The following OPCML variants were observed in gnomAD, a reference collection of about 807,000 sequenced individuals.
OPCML encodes the protein opioid binding protein/cell adhesion molecule like.
Under a neutral mutation model 37.8 loss-of-function variants are expected in OPCML, and 13 were observed. The ratio of observed to expected loss-of-function variants is 0.34; its 90% CI spans 0.22 to 0.55. The LOEUF (loss-of-function observed/expected upper bound fraction) is 0.55. Among genes scored for constraint, OPCML ranks in the 20% least tolerant of loss-of-function variants. The probability of loss-of-function intolerance (pLI) is 0.91; values close to 1 mark genes in which losing one functional copy is unlikely to be tolerated. For synonymous variants in OPCML, 176 were observed against 168.8 expected (o/e 1.04, Z -0.33); for missense variants, 341 against 435.6 (o/e 0.78, Z 1.93).
chr11:133,184,191 C>T (rs1393352399), intron 1 of OPCML, among the ~76,000 whole-genome samples: 4 of 152,166 alleles, frequency 2.6e-5, no homozygotes, highest in Admixed American at 2.6e-4. Flanking sequence ...ACTCGCTTAA[C>T]ACTTACGGAA....
At chr11:133,036,755 A>G (rs1947790802) in intron 1 of OPCML, among the ~76,000 whole-genome samples, 2 of 152,380 alleles carry the variant, frequency 1.3e-5, no homozygotes, top group South Asian at 4.1e-4. Context: ...TTGATTCAGG[A>G]CTACATTCTG....
At chr11:133,518,971 G>C (rs919734851) in intron 1 of OPCML, among the ~76,000 whole-genome samples, 2 of 152,112 alleles carry the variant, frequency 1.3e-5, no homozygotes, top group African/African-American at 4.8e-5. Flanking sequence ...GTGGGTGACA[G>C]TCCCTGAAAG....
Position 133,363,388 on chromosome 11 carries a change from T to C in OPCML, c.61+168876A>G, listed in dbSNP as rs1241591191. Among the ~76,000 whole-genome samples the C allele has an allele frequency of 2.0e-5, 3 of 152,180 alleles. No homozygotes were observed. In the East Asian group the frequency reaches 5.8e-4, roughly 29 times the overall value. On this transcript the variant is annotated intron_variant, in intron 1 of 7. Coordinates refer to ENST00000524381, the MANE Select transcript of OPCML (RefSeq NM_001012393.5). Reference sequence around the variant, plus strand: ...TGGTGAGTTCTCTCTCTTTCAGTAGTTCCAGACGTGACCAAGCCTACCTTG... The same window carrying C: ...TGGTGAGTTCTCTCTCTTTCAGTAGCTCCAGACGTGACCAAGCCTACCTTG...
intron 4 of OPCML, among the ~76,000 whole-genome samples, chr11:132,458,209 C>T (rs184908367): frequency 2.0e-5 from 3 of 152,234 alleles, no homozygotes; most frequent in East Asian, 1.9e-4. Flanking sequence ...CTACACAATC[C>T]ATGCATCAAA....
chr11:132,485,964 C>T (rs1281268860), intron 4 of OPCML, among the ~76,000 whole-genome samples: 3 of 152,142 alleles, frequency 2.0e-5, no homozygotes, highest in Non-Finnish European at 2.9e-5. Context: ...AAGAAAGTGT[C>T]AGTTTTCCAA....
rs1000687023 is a variant in OPCML, at chr11:132,583,611, T to A, written c.380-54425A>T. 6.6e-5 allele frequency among the ~76,000 whole-genome samples: 10 copies of A among 151,940 alleles called. No individual in the cohort carries two copies. The South Asian group carries it at 8.3e-4, about 13-fold the overall frequency. On this transcript the variant is annotated intron_variant, in intron 3 of 7. Transcript: ENST00000524381. Reference sequence around the variant, plus strand: ...CACTGAGCCCAGCCATAGGCTGATTTTTTATTTATTTATTTACTTTTTGAA... The same window carrying A: ...CACTGAGCCCAGCCATAGGCTGATTATTTATTTATTTATTTACTTTTTGAA...
chr11:133,008,817 C>T (rs1947160859), intron 1 of OPCML: 4 of 854,678 alleles, frequency 4.7e-6, no homozygotes, highest in East Asian at 1.2e-4. Context: ...ACAGTACTCC[C>T]TAATGCACTT....
At chr11:133,128,865 C>T (rs969770301) in intron 1 of OPCML, among the ~76,000 whole-genome samples, 7 of 152,142 alleles carry the variant, frequency 4.6e-5, no homozygotes, top group Non-Finnish European at 7.4e-5. Flanking sequence ...AGGAAGCCCT[C>T]TCTGTAGCCC....
chr11:132,786,429 T>A (rs573796233), intron 2 of OPCML, among the ~76,000 whole-genome samples: 1 of 152,298 alleles, frequency 6.6e-6, no homozygotes, highest in African/African-American at 2.4e-5. Context: ...ATAACTCAAA[T>A]AAAGTAAGTG....
intron 2 of OPCML, among the ~76,000 whole-genome samples, chr11:132,781,669 T>C (rs1193713504): frequency 6.6e-6 from 1 of 150,958 alleles, no homozygotes; most frequent in Non-Finnish European, 1.5e-5. Context: ...AACCATGGGG[T>C]GTTCACACCT....
intron 1 of OPCML, among the ~76,000 whole-genome samples, chr11:133,307,319 C>T (rs1467191568): frequency 6.6e-6 from 1 of 151,984 alleles, no homozygotes; most frequent in Non-Finnish European, 1.5e-5. Context: ...GATGAAATGG[C>T]ATGATAGGGG....
intron 1 of OPCML, among the ~76,000 whole-genome samples, chr11:133,346,567 GTCTGGTCTCTGCAGGACCACA>G (rs1191546354): frequency 5.9e-5 from 9 of 152,218 alleles, no homozygotes; most frequent in African/African-American, 2.2e-4. Flanking sequence ...GTCACCAGGT[GTCTGGTCTCTGCAGGACCACA>G]TCAGCTTTTA....
chr11:132,641,969 C>A lies in OPCML; in HGVS notation c.379+15118G>T, dbSNP rs57753020. ...GAGATGTGTGTACCACAGCTACCGA[C>A]GGTTTTTCTTTTGAAACTAGAGAAT... On this transcript the variant is annotated intron_variant, in intron 3 of 7. Coordinates refer to ENST00000524381, the MANE Select transcript of OPCML (RefSeq NM_001012393.5). Among the ~76,000 whole-genome samples the A allele has an allele frequency of 4.3e-4, 65 of 152,226 alleles. 1 individual carries two copies. In the East Asian group the frequency reaches 0.012, roughly 28 times the overall value.
At chr11:132,577,943 T>G (rs1329198156) in intron 3 of OPCML, among the ~76,000 whole-genome samples, 1 of 152,100 alleles carries the variant, frequency 6.6e-6, no homozygotes, top group Non-Finnish European at 1.5e-5. Flanking sequence ...TACCAGTACA[T>G]AACAGGTGAT....
chr11:132,689,816 G>A (rs1467569274), intron 2 of OPCML, among the ~76,000 whole-genome samples: 1 of 152,080 alleles, frequency 6.6e-6, no homozygotes, highest in African/African-American at 2.4e-5. Flanking sequence ...GGAAAGAATG[G>A]GGCAGATGCA....
chr11:132,979,543 C>T (rs967919064), intron 1 of OPCML, among the ~76,000 whole-genome samples: 1 of 152,230 alleles, frequency 6.6e-6, no homozygotes, highest in African/African-American at 2.4e-5. Context: ...GTGAGACCTC[C>T]TCTCCACAAC....
intron 4 of OPCML, among the ~76,000 whole-genome samples, chr11:132,484,395 A>C (rs1277418187): frequency 6.6e-6 from 1 of 152,098 alleles, no homozygotes; most frequent in Non-Finnish European, 1.5e-5. Context: ...TTAGAATGGC[A>C]ATCATTAAAA....
At chr11:132,942,891 A>AGGGACTC in intron 2 of OPCML, 35 bp downstream of exon 2, 1 of 1,612,088 alleles carries the variant, frequency 6.2e-7, no homozygotes, top group Non-Finnish European at 8.5e-7. Context: ...ACCACAGCCC[A>AGGGACTC]GGGGCTCGGC....
intron 3 of OPCML, among the ~76,000 whole-genome samples, chr11:132,531,271 C>T (rs959755490): frequency 3.3e-5 from 5 of 152,188 alleles, no homozygotes; most frequent in Non-Finnish European, 1.5e-5. Context: ...GATACTCAAA[C>T]CTTTCTTTCT....
Sources: allele counts gnomAD v4.1 joint callset (sites outside exome capture counted in the v4.1 genomes callset), GRCh38; gene constraint gnomAD v4.1.1; transcripts MANE v1.5; gene names NCBI Gene and HGNC (gene_info 2026-07-23, HGNC 2026-07-21).